Variants in NFATC2 observed in about 807,000 individuals in gnomAD.
NFATC2 encodes nuclear factor of activated T-cells, cytoplasmic 2.
In NFATC2, 22 loss-of-function variants were observed where a neutral mutation model predicts 87.3. The ratio of observed to expected loss-of-function variants is 0.25; its 90% CI spans 0.18 to 0.36. The LOEUF (loss-of-function observed/expected upper bound fraction) is 0.36. Among genes scored for constraint, NFATC2 ranks in the 10% least tolerant of loss-of-function variants. NFATC2 has a pLI of 1.00. For synonymous variants in NFATC2, 565 were observed against 542.2 expected, an observed-to-expected ratio of 1.04 and a Z score of -0.58; for missense variants, 1,149 against 1,259.1, an observed-to-expected ratio of 0.91 and a Z score of 1.32.
chr20:51,514,717 A>G (rs2076324718), intron 3 of NFATC2, among the ~76,000 whole-genome samples: 1 of 152,112 alleles, frequency 6.6e-6, no homozygotes, highest in Non-Finnish European at 1.5e-5. Flanking sequence ...TACTAAAAAT[A>G]CAAAAATTAA....
intron 1 of NFATC2, among the ~76,000 whole-genome samples, chr20:51,537,674 T>C (rs1252028180): frequency 3.3e-5 from 5 of 152,190 alleles, no homozygotes; most frequent in African/African-American, 1.2e-4. Context: ...TAAGAGTCCA[T>C]TGTATTCACA....
At chr20:51,514,168 A>C (rs2076315533) in intron 3 of NFATC2, among the ~76,000 whole-genome samples, 1 of 152,260 alleles carries the variant, frequency 6.6e-6, no homozygotes. Context: ...TAAGCTCATG[A>C]TGGTGAGAAT....
At position 51,389,543 on chromosome 20, in the gene NFATC2, A is replaced by G. The variant is rs1600627544; in HGVS notation, c.*1953T>C. 6.6e-6 allele frequency: 1 copy of G among 152,196 alleles called. No homozygotes were observed. The highest frequency in any genetic ancestry group is 2.4e-5 in the African/African-American group (1 of 41,444). 9.4% of individuals were successfully genotyped at this position (152,196 alleles called of 1,614,324 possible). On this transcript the variant is annotated 3_prime_UTR_variant, in exon 11 of 11. Transcript: ENST00000371564. ...AAGTATTTAGCATCCCAGAAGTTCCATGGTAGGGGTCAACCTCTTACTGGC... is the reference window on the plus strand; with the variant it reads ...AAGTATTTAGCATCCCAGAAGTTCCGTGGTAGGGGTCAACCTCTTACTGGC...
At chr20:51,534,551 T>G (rs2076688668) in intron 1 of NFATC2, among the ~76,000 whole-genome samples, 1 of 152,178 alleles carries the variant, frequency 6.6e-6, no homozygotes, top group Non-Finnish European at 1.5e-5. Context: ...CCCAGGCTGG[T>G]CTCGAACTCC....
intron 3 of NFATC2, among the ~76,000 whole-genome samples, chr20:51,511,612 G>C (rs945768070): frequency 7.2e-5 from 11 of 151,998 alleles, no homozygotes; most frequent in Admixed American, 4.6e-4. Context: ...CCATCCAACC[G>C]AACCATCCAC....
At chr20:51,460,636 CTTCTT>C (rs370624895) in intron 5 of NFATC2, among the ~76,000 whole-genome samples, 3,053 of 55,900 alleles carry the variant, frequency 0.055, 105 homozygotes, top group African/African-American at 0.22. Context: ...CAGGTTTCTT[CTTCTT>C]TTTTTTTTTT....
At chr20:51,474,196 G>A (rs752400314) in intron 4 of NFATC2, 44 bp from the exon 5 acceptor site, 8 of 1,599,314 alleles carry the variant, frequency 5.0e-6, no homozygotes, top group African/African-American at 1.3e-5. Context: ...CTACCTTCAG[G>A]AGCAGGAAAG....
chr20:51,559,174 A>G (rs1364347305), intron 1 of NFATC2, among the ~76,000 whole-genome samples: 1 of 152,244 alleles, frequency 6.6e-6, no homozygotes, highest in Non-Finnish European at 1.5e-5. Flanking sequence ...TGGAGCTGCC[A>G]CACTGGCTGG....
At chr20:51,471,004 G>A (rs1988153971) in intron 5 of NFATC2, among the ~76,000 whole-genome samples, 1 of 152,210 alleles carries the variant, frequency 6.6e-6, no homozygotes, top group Non-Finnish European at 1.5e-5. Flanking sequence ...AAAAACAGGT[G>A]AATCACCTTA....
intron 9 of NFATC2, among the ~76,000 whole-genome samples, chr20:51,405,713 G>C (rs902712491): frequency 6.6e-6 from 1 of 152,280 alleles, no homozygotes; most frequent in South Asian, 2.1e-4. Context: ...ACCTAGGACA[G>C]AGCCCAGCAC....
At chr20:51,507,400 T>G (rs1262963270) in intron 3 of NFATC2, among the ~76,000 whole-genome samples, 1 of 152,202 alleles carries the variant, frequency 6.6e-6, no homozygotes. Flanking sequence ...ACGTGGTTAA[T>G]TCAACCAGAA....
At chr20:51,543,899 T>C (rs960680615), upstream of NFATC2, among the ~76,000 whole-genome samples, 1 of 150,250 alleles carries the variant, frequency 6.7e-6, no homozygotes, top group African/African-American at 2.5e-5. Flanking sequence ...CCTTCCCACA[T>C]ATTAGAATCA....
In NFATC2 at chr20:51,523,586, T is replaced by C. The variant is rs1258819578; in HGVS notation, c.655A>G (p.Ile219Val). The C allele has an allele frequency of 5.0e-6, 8 of 1,613,792 alleles. No homozygotes were observed. The highest frequency in any genetic ancestry group is 1.7e-4 in the Middle Eastern group (1 of 6,058). The change falls in exon 2 of 11, where the codon ATA (isoleucine) becomes GTA (valine). Residue 219 changes from isoleucine (I) to valine (V), a missense_variant. Physicochemically the swap from Ile to Val is conservative, Grantham distance 29. This residue lies in a region of NFATC2 where 563 missense variants were observed against 585.2 expected (regional missense o/e 0.96). Coordinates refer to ENST00000371564, the MANE Select transcript of NFATC2 (RefSeq NM_012340.5). The surrounding 1 kb of genome is among the most constrained non-coding windows in gnomAD (Gnocchi z 6.9). ...GCGAGGCTGGTTCGAGGTGACATTA[T>C]TGGCGAGGTTCTGGGGGAATAATGA... ...PAHYSPRTSP[I>V]MSPRTSLAED... is the part of the protein sequence containing the mutation.
chr20:51,440,258 A>AAAAAAAAG (rs1984152912), intron 6 of NFATC2, among the ~76,000 whole-genome samples: 3 of 141,552 alleles, frequency 2.1e-5, no homozygotes, highest in Non-Finnish European at 3.1e-5. Context: ...AAAAAAAAAA[A>AAAAAAAAG]TGTTCAACAG....
intron 3 of NFATC2, among the ~76,000 whole-genome samples, chr20:51,493,478 C>G (rs2075934042): frequency 6.6e-6 from 1 of 152,154 alleles, no homozygotes; most frequent in Non-Finnish European, 1.5e-5. Flanking sequence ...TAGGCACCTC[C>G]CATTTACAGA....
chr20:51,445,332 G>C lies in NFATC2; in HGVS notation c.1849+9216C>G, dbSNP rs995528169. On this transcript the variant is annotated intron_variant, in intron 6 of 10. Coordinates refer to ENST00000371564, the MANE Select transcript of NFATC2 (RefSeq NM_012340.5). ...GGCACTGGGCAGCTCCTTTTGCCTG[G>C]GACACTCTCCCAGCAGTCCTTGTGG... Among the ~76,000 whole-genome samples, 3 of 152,104 alleles carry C rather than the reference G, an allele frequency of 2.0e-5. No homozygotes were observed. In the East Asian group the frequency reaches 5.8e-4, roughly 29 times the overall value.
chr20:51,481,310 T>C (rs541982421), intron 3 of NFATC2, among the ~76,000 whole-genome samples: 6 of 152,134 alleles, frequency 3.9e-5, no homozygotes, highest in African/African-American at 1.2e-4. Context: ...CATCCCCATT[T>C]TCGGGAGACC....
At chr20:51,482,125 G>GC (rs746132472) in intron 3 of NFATC2, among the ~76,000 whole-genome samples, 106 of 146,600 alleles carry the variant, frequency 7.2e-4, no homozygotes, top group Non-Finnish European at 1.5e-3. Flanking sequence ...CCCACCCCCA[G>GC]CCCCCCAAGT....
chr20:51,502,313 G>A (rs6096449), intron 3 of NFATC2, among the ~76,000 whole-genome samples: 3 of 152,092 alleles, frequency 2.0e-5, no homozygotes, highest in Non-Finnish European at 4.4e-5. Flanking sequence ...CTACTAATCA[G>A]GTTTTATCTT....
Sources: gnomAD v4.1 joint callset for allele counts (sites outside exome capture counted in the v4.1 genomes callset) on GRCh38, gnomAD v4.1.1 for gene constraint, gnomAD v4.1.1 regional missense constraint, Gnocchi (gnomAD v3.1) non-coding constraint, MANE v1.5 for transcripts, NCBI Gene and HGNC (gene_info 2026-07-23, HGNC 2026-07-21) for gene names.